Variants in INF2 observed in about 807,000 individuals in gnomAD.
INF2 encodes inverted formin 2.
In INF2, 43 loss-of-function variants were observed where a neutral mutation model predicts 123.5. That is an observed-to-expected ratio of 0.35 (90% CI 0.27 to 0.45). The LOEUF is 0.45. Among genes scored for constraint, INF2 ranks in the 20% least tolerant of loss-of-function variants. The pLI, the probability that INF2 is intolerant of heterozygous loss-of-function variation, is 1.00. For synonymous variants in INF2, 851 were observed against 745.0 expected (o/e 1.14, Z -2.32); for missense variants, 1,453 against 1,682.7 (o/e 0.86, Z 2.39).
chr14:104,705,409 T>G (rs1198296788), intron 5 of INF2, among the ~76,000 whole-genome samples: 1 of 131,138 alleles, frequency 7.6e-6, no homozygotes, highest in Non-Finnish European at 1.6e-5. Context: ...AGAGCGAGAC[T>G]CCATCTCAAA....
At position 104,714,502 on chromosome 14, in the gene INF2, C is replaced by A; in HGVS notation, c.3340C>A (p.Leu1114Ile). 3 of 1,612,778 alleles carry A rather than the reference C, an allele frequency of 1.9e-6. No individual in the cohort carries two copies. ...TLGDAQALKPLKFSSNQPPAA... is the reference protein window; with the variant it reads ...TLGDAQALKPIKFSSNQPPAA... The stretch of plus-strand genomic sequence containing the variant: ...GGGAGATGCTCAGGCCCTGAAGCCC[C>A]TCAAGTTCTCCAGCAACCAGCCCCC... The change falls in exon 21 of 23, where the codon CTC becomes ATC. Residue 1114 changes from leucine to isoleucine, a missense_variant. Transcript: ENST00000392634.
intron 1 of INF2, among the ~76,000 whole-genome samples, chr14:104,694,989 G>T (rs1186542634): frequency 6.6e-6 from 1 of 152,160 alleles, no homozygotes; most frequent in African/African-American, 2.4e-5. Context: ...GTTGAGAGAG[G>T]CTTTTTCTGA....
chr14:104,692,321 G>A (rs1595152866), intron 1 of INF2, among the ~76,000 whole-genome samples: 1 of 152,378 alleles, frequency 6.6e-6, no homozygotes, highest in South Asian at 2.1e-4. Flanking sequence ...ATTCTGCCAG[G>A]AGGTGCTGAT....
Position 104,713,446 on chromosome 14 carries a change from C to G in INF2, c.2880C>G (p.Val960=). The change falls in exon 20 of 23, where the codon GTC becomes GTG. Residue 960 remains valine (V), a splice_region_variant and synonymous_variant. Coordinates refer to ENST00000392634, the MANE Select transcript of INF2 (RefSeq NM_022489.4). ...CTCTGAGTGCCCCACGCTCCTCAGT[C>G]AGGAAGGGGCCCGGGAAGCAGGAGG... ...RRPRGEDGKP[V]RKGPGKQEEV... The G allele has an allele frequency of 6.2e-7, 1 of 1,610,018 alleles. No homozygotes were observed. The highest frequency in any genetic ancestry group is 8.5e-7 in the Non-Finnish European group (1 of 1,178,840).
Position 104,706,165 on chromosome 14 carries a change from C to A in INF2, c.832C>A (p.Leu278Met). ...MSSHQEVFAS[L>M]FHKVSCSPVS... Reference sequence around the variant, plus strand: ...CAGCCACCAGGAGGTCTTTGCCTCCCTGTTCCACAAGGTGGGCTGGGGGCT... The same window carrying A: ...CAGCCACCAGGAGGTCTTTGCCTCCATGTTCCACAAGGTGGGCTGGGGGCT... The change falls in exon 6 of 23, where the codon CTG becomes ATG. Residue 278 changes from leucine to methionine, a missense_variant. Leu to Met is a conservative substitution (Grantham distance 15). Around this residue, in one of 8 missense-constraint regions of INF2, gnomAD observed 251 missense variants for 349.4 expected, o/e 0.72. Transcript: ENST00000392634. The A allele has an allele frequency of 6.3e-7, 1 of 1,584,060 alleles. No homozygotes were observed. Among genetic ancestry groups the A allele is most frequent in the East Asian group, 2.3e-5 (1 of 43,334 alleles).
At chr14:104,691,491 A>C (rs910044134) in intron 1 of INF2, among the ~76,000 whole-genome samples, 3 of 152,168 alleles carry the variant, frequency 2.0e-5, no homozygotes, top group Non-Finnish European at 4.4e-5. Flanking sequence ...CCCTACCTCC[A>C]TCTTGCAAAC....
In INF2 at chr14:104,714,799, C is replaced by T. The variant is rs200823300; in HGVS notation, c.3637C>T (p.Arg1213Trp). The change falls in exon 21 of 23, where the codon CGG (arginine) becomes TGG (tryptophan). Residue 1213 changes from arginine to tryptophan, a missense_variant. Physicochemically the swap from Arg to Trp is moderately radical, Grantham distance 101. This residue lies in a region of INF2 where 344 missense variants were observed against 333.1 expected (regional missense o/e 1.03). Coordinates refer to ENST00000392634, the MANE Select transcript of INF2 (RefSeq NM_022489.4). ...GGGCACACTCCCCAGGGCCCGGGGCCGGGCCTCAAAGGGGACCGGGAAGCG... is the reference window on the plus strand; with the variant it reads ...GGGCACACTCCCCAGGGCCCGGGGCTGGGCCTCAAAGGGGACCGGGAAGCG... ...GSGTLPRARG[R>W]ASKGTGKRRK... The T allele has an allele frequency of 4.1e-5, 66 of 1,596,926 alleles. No individual in the cohort carries two copies. The highest frequency in any genetic ancestry group is 2.0e-4 in the Admixed American group (11 of 56,088).
At chr14:104,713,641 C>T (rs756038752) in intron 20 of INF2, 35 bp downstream of exon 20, 156 of 1,604,014 alleles carry the variant, frequency 9.7e-5, no homozygotes, top group Non-Finnish European at 1.3e-4. Flanking sequence ...TCATGGTCCC[C>T]TTGCCACTGT....
intron 4 of INF2, 78 bp downstream of exon 4, chr14:104,703,532 GAGGTGGGAGCGCCACAAA>G (rs1246209783): frequency 6.4e-7 from 1 of 1,570,384 alleles, no homozygotes; most frequent in Non-Finnish European, 8.7e-7. Context: ...TCCACCTGGG[GAGGTGGGAGCGCCACAAA>G]AGCTGCCCCC....
intron 4 of INF2, 116 bp downstream of exon 4, chr14:104,703,570 C>A: frequency 7.2e-7 from 1 of 1,397,556 alleles, no homozygotes; most frequent in South Asian, 1.2e-5. Flanking sequence ...CGACCCAGGG[C>A]CCCAGAGGAA....
At chr14:104,686,802 G>C (rs757543474), upstream of INF2, among the ~76,000 whole-genome samples, 1 of 152,180 alleles carries the variant, frequency 6.6e-6, no homozygotes. Flanking sequence ...CCAACATCAG[G>C]CTGGGAGGAT....
At chr14:104,717,509 C>G (rs1481913871) in intron 22 of INF2, 1 of 152,298 alleles carries the variant, frequency 6.6e-6, no homozygotes, top group Non-Finnish European at 1.5e-5. Context: ...AGATTGTATC[C>G]AGAGTCACAT....
At chr14:104,700,679 C>G (rs1889436301) in intron 1 of INF2, among the ~76,000 whole-genome samples, 1 of 152,130 alleles carries the variant, frequency 6.6e-6, no homozygotes. Flanking sequence ...GTTCCCAGGG[C>G]TGGAGTCAGA....
intron 5 of INF2, among the ~76,000 whole-genome samples, chr14:104,705,510 G>A (rs7157574): frequency 0.34 from 51,097 of 152,032 alleles, 10,604 homozygotes; most frequent in African/African-American, 0.58. Flanking sequence ...CCCTGCCTGC[G>A]GAGGGCTGTG....
chr14:104,716,514 C>T (rs1251374764), intron 22 of INF2, among the ~76,000 whole-genome samples: 1 of 152,164 alleles, frequency 6.6e-6, no homozygotes, highest in Non-Finnish European at 1.5e-5. Context: ...AGGTCTGGGG[C>T]GGGCGGCCAC....
chr14:104,705,942 C>T (rs1889760193), intron 5 of INF2, 93 bp from the exon 6 acceptor site: 57 of 1,492,010 alleles, frequency 3.8e-5, no homozygotes, highest in Admixed American at 7.6e-5. Flanking sequence ...GTGGGCTGAG[C>T]GGGGCTGGTA....
rs574913516 is a variant in INF2, at chr14:104,701,443, G to A, written c.78G>A (p.Thr26=). Residue 26 remains threonine, a synonymous_variant, in exon 2 of 23, where the codon ACG becomes ACA. Coordinates refer to ENST00000392634, the MANE Select transcript of INF2 (RefSeq NM_022489.4). ...TGGGGCCACAGGATTCGGACCCCAC[G>A]GAGGCCAACCTGGAGAGCGCGGACC... The part of the protein sequence containing the change: ...EKLGPQDSDP[T]EANLESADPE... The A allele has an allele frequency of 1.9e-6, 3 of 1,596,696 alleles. No homozygotes were observed. The highest frequency in any genetic ancestry group is 2.3e-5 in the South Asian group (2 of 88,510).
At chr14:104,711,479 C>A (rs1321652919) in intron 15 of INF2, 150 bp from the exon 16 acceptor site, 1 of 758,772 alleles carries the variant, frequency 1.3e-6, no homozygotes, top group South Asian at 1.5e-5. Context: ...AAGTCATAGC[C>A]AGGCCCAAGG....
chr14:104,704,845 C>T (rs1889702068), intron 5 of INF2: 1 of 152,232 alleles, frequency 6.6e-6, no homozygotes, highest in Non-Finnish European at 1.5e-5. Context: ...ACATGCAGTT[C>T]ATTCAGGTTT....
Sources: gnomAD v4.1 joint callset for allele counts (sites outside exome capture counted in the v4.1 genomes callset) on GRCh38, gnomAD v4.1.1 for gene constraint, gnomAD v4.1.1 regional missense constraint, MANE v1.5 for transcripts, NCBI Gene and HGNC (gene_info 2026-07-23, HGNC 2026-07-21) for gene names.